HMCN2: variants seen among roughly 807,000 people sequenced by gnomAD.
The protein encoded by HMCN2 is hemicentin 2, also known as hemicentin-2.
A neutral mutation model predicts 377.5 loss-of-function variants in HMCN2; 325 were observed. The ratio of observed to expected loss-of-function variants is 0.86; its 90% CI spans 0.79 to 0.94. The LOEUF (loss-of-function observed/expected upper bound fraction) is 0.94. Ranked by LOEUF, HMCN2 falls within the 40% of genes least tolerant of loss-of-function variation. The probability of loss-of-function intolerance (pLI) is 0.00; values close to 1 mark genes in which losing one functional copy is unlikely to be tolerated. For synonymous variants in HMCN2, 2,007 were observed against 2,046.8 expected (o/e 0.98, Z 0.53); for missense variants, 4,543 against 4,725.3 (o/e 0.96, Z 1.13).
intron 28 of HMCN2, 115 bp from the exon 29 acceptor site, chr9:130,349,422 A>C: frequency 8.6e-7 from 1 of 1,156,660 alleles, no homozygotes. Context: ...CTTCCCAGGA[A>C]GGTCAGGTAG....
intron 23 of HMCN2, among the ~76,000 whole-genome samples, chr9:130,340,533 T>TTC (rs1385939830): frequency 6.6e-6 from 1 of 151,858 alleles, no homozygotes. Context: ...TTTTTTTTTT[T>TTC]TTCTTAGACG....
intron 35 of HMCN2, 122 bp from the exon 36 acceptor site, chr9:130,358,268 G>C: frequency 1.7e-6 from 2 of 1,176,298 alleles, no homozygotes; most frequent in Non-Finnish European, 2.3e-6. Flanking sequence ...TACCTCCAGA[G>C]CCAAAAGTGT....
rs1034134451 is a variant in HMCN2, at chr9:130,358,376, C to T, written c.5581-14C>T. ...GACAGCCCTGTGGCATACTCTCTGC[C>T]CCCTCCCCTCCAGATTGAGAAGGTG... On this transcript the variant is annotated splice_polypyrimidine_tract_variant and intron_variant, in intron 35 of 97. Transcript: ENST00000683500. The T allele has an allele frequency of 1.5e-6, 2 of 1,304,052 alleles. No homozygotes were observed. Among genetic ancestry groups the T allele is most frequent in the African/African-American group, 3.0e-5 (2 of 65,854 alleles). The allele number at this position is 1,304,052 out of a possible 1,614,324, so 80.8% of individuals were successfully genotyped here.
chr9:130,265,944 G>T lies in HMCN2; in HGVS notation c.66G>T (p.Val22=). The T allele has an allele frequency of 2.2e-6, 1 of 445,492 alleles. No homozygotes were observed. Among genetic ancestry groups the T allele is most frequent in the South Asian group, 1.6e-5 (1 of 61,834 alleles). The allele number at this position is 445,492 out of a possible 1,614,324, so 27.6% of individuals were successfully genotyped here. Reference sequence around the variant, plus strand: ...TCTCTGCGGCAGTGGCAGTGGCAGTGGCCGGGGCGCCCGGGACGGTAATGC... The same window carrying T: ...TCTCTGCGGCAGTGGCAGTGGCAGTTGCCGGGGCGCCCGGGACGGTAATGC... ...TAVSAAVAVA[V]AGAPGTVMPP... The change falls in exon 1 of 98, where the codon GTG becomes GTT. Residue 22 remains valine, a synonymous_variant. Coordinates refer to ENST00000683500, the MANE Select transcript of HMCN2 (RefSeq NM_001291815.2).
At chr9:130,311,592 T>C (rs1837244255) in intron 15 of HMCN2, among the ~76,000 whole-genome samples, 2 of 152,112 alleles carry the variant, frequency 1.3e-5, no homozygotes, top group Admixed American at 1.3e-4. Context: ...TCAGGGGCTG[T>C]GGGTGCCCAG....
intron 22 of HMCN2, among the ~76,000 whole-genome samples, chr9:130,333,691 T>C (rs990048646): frequency 5.3e-5 from 8 of 152,176 alleles, no homozygotes; most frequent in Non-Finnish European, 1.0e-4. Context: ...CCGCCTCCCC[T>C]TCCCTGCTGG....
chr9:130,407,910 G>T (rs1159559845), intron 83 of HMCN2, among the ~76,000 whole-genome samples: 1 of 152,184 alleles, frequency 6.6e-6, no homozygotes, highest in Non-Finnish European at 1.5e-5. Flanking sequence ...CTGGGGTGAG[G>T]CCTAGGCATC....
intron 85 of HMCN2, among the ~76,000 whole-genome samples, chr9:130,416,549 G>A (rs1041383354): frequency 6.6e-6 from 1 of 152,204 alleles, no homozygotes; most frequent in African/African-American, 2.4e-5. Context: ...CTGCTACATG[G>A]ATGTACCACA....
intron 66 of HMCN2, among the ~76,000 whole-genome samples, chr9:130,392,577 A>G (rs1842373250): frequency 6.6e-6 from 1 of 152,158 alleles, no homozygotes; most frequent in Admixed American, 6.5e-5. Flanking sequence ...AGCTGTCCAT[A>G]TGGGACGTGG....
At chr9:130,331,210 C>T (rs1246242928) in intron 22 of HMCN2, among the ~76,000 whole-genome samples, 1 of 151,648 alleles carries the variant, frequency 6.6e-6, no homozygotes, top group Non-Finnish European at 1.5e-5. Context: ...CTCCCATCAT[C>T]GCTAAGTCAT....
At chr9:130,335,074 A>G (rs1298634007) in intron 22 of HMCN2, among the ~76,000 whole-genome samples, 7 of 152,078 alleles carry the variant, frequency 4.6e-5, no homozygotes, top group African/African-American at 1.7e-4. Flanking sequence ...CAAATATGAA[A>G]TGGGGTTCAG....
intron 54 of HMCN2, 94 bp from the exon 55 acceptor site, chr9:130,382,090 T>A: frequency 2.8e-6 from 1 of 354,046 alleles, no homozygotes; most frequent in African/African-American, 2.2e-5. Flanking sequence ...GACAGTCACA[T>A]GTCCCAGGTC....
At chr9:130,267,935 T>C (rs1834212657) in intron 1 of HMCN2, among the ~76,000 whole-genome samples, 1 of 152,216 alleles carries the variant, frequency 6.6e-6, no homozygotes, top group South Asian at 2.1e-4. Flanking sequence ...TTCTGGGGCT[T>C]CCGAAGACAT....
intron 86 of HMCN2, among the ~76,000 whole-genome samples, chr9:130,419,976 G>A (rs1843902562): frequency 6.6e-6 from 1 of 151,850 alleles, no homozygotes; most frequent in South Asian, 2.1e-4. Flanking sequence ...AAGTTCAGCG[G>A]TTCTCTGACC....
chr9:130,408,434 C>T (rs983873837), intron 83 of HMCN2, among the ~76,000 whole-genome samples: 5 of 152,150 alleles, frequency 3.3e-5, no homozygotes, highest in Admixed American at 1.3e-4. Flanking sequence ...GTATATGACA[C>T]GCGTAACACT....
Position 130,365,649 on chromosome 9 carries a change from T to C in HMCN2, c.6427T>C (p.Trp2143Arg). The C allele has an allele frequency of 1.0e-6, 1 of 985,942 alleles. No individual in the cohort carries two copies. Among genetic ancestry groups the C allele is most frequent in the Non-Finnish European group, 1.2e-6 (1 of 830,038 alleles). The allele number at this position is 985,942 out of a possible 1,614,324, so 61.1% of individuals were successfully genotyped here. A position where few individuals can be genotyped will look rare whatever the true frequency, so the allele number is the denominator to read the frequency against. Residue 2143 changes from tryptophan to arginine, a missense_variant, in exon 42 of 98, where the codon TGG becomes CGG. By Grantham distance (101) the Trp-to-Arg change is moderately radical. Coordinates refer to ENST00000683500, the MANE Select transcript of HMCN2 (RefSeq NM_001291815.2). ...ALLQVDRADV[W>R]DAGHYTCEAL... ...CTGCCAGGTGGACAGAGCCGATGTG[T>C]GGGATGCGGGCCATTACACCTGTGA...
In HMCN2 at chr9:130,308,936, TG is replaced by T. The variant is rs1837054741; in HGVS notation, c.2201-972del. Among the ~76,000 whole-genome samples, 1 of 152,140 alleles carries T rather than the reference TG, an allele frequency of 6.6e-6. No individual in the cohort carries two copies. Among genetic ancestry groups the T allele is most frequent in the South Asian group, 2.1e-4 (1 of 4,824 alleles). ...AGATGGAGTGGTGTTCGCCAGGGAC[TG>T]GGGAGAGGAGAACACCAGGAGTTAG... is the stretch of plus-strand genomic sequence containing the variant. On this transcript the variant is annotated intron_variant, in intron 14 of 97. Transcript: ENST00000683500. This position sits in a 1 kb window ranked among gnomAD's most constrained non-coding sequence, Gnocchi z 4.1.
At position 130,394,927 on chromosome 9, in the gene HMCN2, G is replaced by T. The variant is rs1842525868; in HGVS notation, c.10693-100G>T. The T allele has an allele frequency of 2.7e-6, 2 of 738,820 alleles. No individual in the cohort carries two copies. The highest frequency in any genetic ancestry group is 3.0e-5 in the Admixed American group (1 of 32,898). The allele number at this position is 738,820 out of a possible 1,614,324, so 45.8% of individuals were successfully genotyped here. On this transcript the variant is annotated intron_variant, in intron 69 of 97. Coordinates refer to ENST00000683500, the MANE Select transcript of HMCN2 (RefSeq NM_001291815.2). This position sits in a 1 kb window ranked among gnomAD's most constrained non-coding sequence, Gnocchi z 5.1. ...GGTGGATGGCAGACCTCGCAGGGCT[G>T]AGTTTGAATCCTGGGTCCCTCGATG...
chr9:130,394,124 C>T lies in HMCN2; in HGVS notation c.10501+116C>T. On this transcript the variant is annotated intron_variant, in intron 68 of 97. Coordinates refer to ENST00000683500, the MANE Select transcript of HMCN2 (RefSeq NM_001291815.2). This position sits in a 1 kb window ranked among gnomAD's most constrained non-coding sequence, Gnocchi z 5.1. Reference sequence around the variant, plus strand: ...TCCCCTGGAGACCTGGGACTGCCACCTGGGAGCAGAACTCAGGGAACTTGG... The same window carrying T: ...TCCCCTGGAGACCTGGGACTGCCACTTGGGAGCAGAACTCAGGGAACTTGG... 1 of 994,384 alleles carries T rather than the reference C, an allele frequency of 1.0e-6. No homozygotes were observed. Among genetic ancestry groups the T allele is most frequent in the South Asian group, 1.7e-5 (1 of 60,456 alleles). The allele number at this position is 994,384 out of a possible 1,614,324, so 61.6% of individuals were successfully genotyped here.
Sources: allele counts gnomAD v4.1 joint callset (sites outside exome capture counted in the v4.1 genomes callset), GRCh38; gene constraint gnomAD v4.1.1; non-coding constraint Gnocchi (gnomAD v3.1); transcripts MANE v1.5; gene names NCBI Gene and HGNC (gene_info 2026-07-23, HGNC 2026-07-21).